SAT1: variants seen among roughly 807,000 people sequenced by gnomAD.
SAT1 encodes diamine acetyltransferase 1.
A neutral mutation model predicts 14.7 loss-of-function variants in SAT1; 1 was observed. The observed-to-expected ratio is 0.07, with a 90% CI of 0.02 to 0.32. The LOEUF is 0.32. Ranked by LOEUF, SAT1 falls within the 10% of genes least tolerant of loss-of-function variation. The pLI, the probability that SAT1 is intolerant of heterozygous loss-of-function variation, is 1.00. For synonymous variants in SAT1, 67 were observed against 46.1 expected, an observed-to-expected ratio of 1.45 and a Z score of -1.84; for missense variants, 77 against 129.1, an observed-to-expected ratio of 0.60 and a Z score of 1.96.
chrX:23,784,844 T>C (rs1448169895), intron 3 of SAT1: 1 of 116,500 alleles, frequency 8.6e-6, no homozygotes, highest in Non-Finnish European at 1.8e-5. Flanking sequence ...AACGTTGTAC[T>C]TTGGCCTGAT....
chrX:23,783,719 C>T lies in SAT1; in HGVS notation c.118+10C>T. 8.3e-7 allele frequency: 1 copy of T among 1,209,662 alleles called. No homozygotes were observed. The highest frequency in any genetic ancestry group is 2.2e-5 in the Admixed American group (1 of 45,773). The stretch of plus-strand genomic sequence containing the variant: ...ATCTTAACTGAAAAAGGTAATTCAA[C>T]AGTGGCGGGACGGGGGACAAGCGTT... On this transcript the variant is annotated intron_variant, in intron 2 of 5. Coordinates refer to ENST00000379270, the MANE Select transcript of SAT1 (RefSeq NM_002970.4).
At chrX:23,784,933 T>C (rs1922661823) in intron 3 of SAT1, 3 of 147,362 alleles carry the variant, frequency 2.0e-5, no homozygotes, top group South Asian at 3.8e-4. Flanking sequence ...ACCTGACGTA[T>C]TCCCAAGTCA....
Position 23,785,573 on chromosome X carries a change from T to G in SAT1, c.345+13T>G. On this transcript the variant is annotated intron_variant, in intron 5 of 5. Transcript: ENST00000379270. ...GAATCTAAGCCAGGTATGTCTTAGTTTTTGGTTTCCAAATTTGTAAGTTTA... is the reference window on the plus strand; with the variant it reads ...GAATCTAAGCCAGGTATGTCTTAGTGTTTGGTTTCCAAATTTGTAAGTTTA... 2.5e-6 allele frequency: 3 copies of G among 1,202,770 alleles called. No individual in the cohort carries two copies. Among genetic ancestry groups the G allele is most frequent in the Non-Finnish European group, 3.4e-6 (3 of 887,798 alleles).
At chrX:23,784,120 G>T in intron 3 of SAT1, 1 of 1,082,595 alleles carries the variant, frequency 9.2e-7, no homozygotes, top group Non-Finnish European at 1.2e-6. Flanking sequence ...TGGAGACTCG[G>T]AAGTGTTTAA....
chrX:23,783,546 C>A, intron 1 of SAT1, 112 bp from the exon 2 acceptor site: 4 of 947,701 alleles, frequency 4.2e-6, no homozygotes, highest in Non-Finnish European at 5.7e-6. Flanking sequence ...CTGCGCCCAT[C>A]CCCGGCTCGG....
Position 23,785,533 on chromosome X carries a change from A to G in SAT1, c.318A>G (p.Gly106=). The G allele has an allele frequency of 1.7e-6, 2 of 1,208,444 alleles. No homozygotes were observed. Among genetic ancestry groups the G allele is most frequent in the Non-Finnish European group, 2.2e-6 (2 of 892,289 alleles). The part of the protein sequence containing the change: ...VMSDYRGFGI[G]SEILKNLSQV... ...CTTTCTTTTTAGGCTTTGGCATAGG[A>G]TCAGAAATTCTGAAGAATCTAAGCC... Residue 106 remains glycine, a synonymous_variant, in exon 5 of 6, where the codon GGA becomes GGG. Transcript: ENST00000379270.
chrX:23,784,219 T>A, intron 3 of SAT1: 2 of 868,501 alleles, frequency 2.3e-6, no homozygotes, highest in Non-Finnish European at 2.9e-6. Context: ...AAATGGTTCT[T>A]GTTTGACCCT....
chrX:23,785,116 C>CT, intron 3 of SAT1: 1 of 434,026 alleles, frequency 2.3e-6, no homozygotes, highest in Non-Finnish European at 4.0e-6. Context: ...CTGATGTGTG[C>CT]TTTTTGCAAA....
In SAT1 at chrX:23,786,071, C is replaced by CG. The variant is rs1417657372; in HGVS notation, c.*216dup. On this transcript the variant is annotated 3_prime_UTR_variant, in exon 6 of 6. Coordinates refer to ENST00000379270, the MANE Select transcript of SAT1 (RefSeq NM_002970.4). ...CAGATCTTTCTCCTTGAATATCTTT[C>CG]GATAAACAACAAGGTGGTGTGATCT... 1 of 330,248 alleles carries CG rather than the reference C, an allele frequency of 3.0e-6. No homozygotes were observed. The highest frequency in any genetic ancestry group is 4.7e-5 in the East Asian group (1 of 21,253). 27.2% of individuals were successfully genotyped at this position (330,248 alleles called of 1,213,427 possible). A position where few individuals can be genotyped will look rare whatever the true frequency, so the allele number is the denominator to read the frequency against.
chrX:23,783,473 C>T, intron 1 of SAT1, 56 bp downstream of exon 1: 1 of 1,076,399 alleles, frequency 9.3e-7, no homozygotes. Flanking sequence ...CTCCGTTTCC[C>T]AGAGTGGGGT....
Position 23,785,373 on chromosome X carries a change from C to T in SAT1, c.248C>T (p.Pro83Leu), listed in dbSNP as rs1922678596. The change falls in exon 4 of 6, where the codon CCG (proline) becomes CTG (leucine). Residue 83 changes from proline (P) to leucine (L), a missense_variant. Transcript: ENST00000379270. ...GFAMYYFTYD[P>L]WIGKLLYLED... ...GCCATGTACTATTTTACCTATGACC[C>T]GTGGATTGGCAAGTTATTGTATCTT... 8.3e-7 allele frequency: 1 copy of T among 1,208,308 alleles called. No homozygotes were observed. Among genetic ancestry groups the T allele is most frequent in the Non-Finnish European group, 1.1e-6 (1 of 892,380 alleles).
At chrX:23,783,579 C>CCAAACCCA (rs1922586561) in intron 1 of SAT1, 79 bp from the exon 2 acceptor site, 27 of 770,191 alleles carry the variant, frequency 3.5e-5, no homozygotes, top group Non-Finnish European at 4.9e-5. Flanking sequence ...CCGCCCGCCC[C>CCAAACCCA]ATTCCGTTCC....
chrX:23,783,559 G>GCC, intron 1 of SAT1, 99 bp from the exon 2 acceptor site: 1 of 766,374 alleles, frequency 1.3e-6, no homozygotes, highest in Non-Finnish European at 1.9e-6. Context: ...CGGCTCGGCC[G>GCC]CCACCCCGCC....
At position 23,783,721 on chromosome X, in the gene SAT1, G is replaced by C; in HGVS notation, c.118+12G>C. 8.3e-7 allele frequency: 1 copy of C among 1,210,152 alleles called. No individual in the cohort carries two copies. ...CTTAACTGAAAAAGGTAATTCAACA[G>C]TGGCGGGACGGGGGACAAGCGTTCG... On this transcript the variant is annotated intron_variant, in intron 2 of 5. Transcript: ENST00000379270.
chrX:23,785,168 G>A, intron 3 of SAT1, 160 bp from the exon 4 acceptor site: 2 of 477,961 alleles, frequency 4.2e-6, no homozygotes, highest in Admixed American at 3.3e-5. Flanking sequence ...CAGTGGCCTG[G>A]ACTGCACTCA....
chrX:23,785,264 C>A, intron 3 of SAT1, 64 bp from the exon 4 acceptor site: 1 of 834,557 alleles, frequency 1.2e-6, no homozygotes, highest in Non-Finnish European at 1.8e-6. Flanking sequence ...GCCTCTGATT[C>A]TGCAGCTGCA....
At chrX:23,784,088 TTAAG>T (rs755181810) in intron 3 of SAT1, 9 of 1,103,332 alleles carry the variant, frequency 8.2e-6, no homozygotes, top group African/African-American at 7.4e-5. Flanking sequence ...AAAGAGCTGT[TTAAG>T]TAAGTATCAG....
chrX:23,786,144 AC>A lies in SAT1; in HGVS notation c.*289del. On this transcript the variant is annotated 3_prime_UTR_variant, in exon 6 of 6. Coordinates refer to ENST00000379270, the MANE Select transcript of SAT1 (RefSeq NM_002970.4). ...ATTCTCGTGAGTCATTTAAATGTGT[AC>A]AATGTACACACTGGTACTTAGAGTT... is the stretch of plus-strand genomic sequence containing the variant. 9.6e-6 allele frequency: 2 copies of A among 208,256 alleles called. No homozygotes were observed. Among genetic ancestry groups the A allele is most frequent in the Non-Finnish European group, 1.7e-5 (2 of 114,879 alleles). 17.2% of individuals were successfully genotyped at this position (208,256 alleles called of 1,213,427 possible). A position where few individuals can be genotyped will look rare whatever the true frequency, so the allele number is the denominator to read the frequency against.
At chrX:23,784,158 G>A in intron 3 of SAT1, 1 of 977,615 alleles carries the variant, frequency 1.0e-6, no homozygotes, top group Non-Finnish European at 1.3e-6. Context: ...AAGTGCTGTG[G>A]AGACCCGGAA....
Sources: allele counts gnomAD v4.1 joint callset, GRCh38; gene constraint gnomAD v4.1.1; transcripts MANE v1.5; gene names NCBI Gene and HGNC (gene_info 2026-07-23, HGNC 2026-07-21).